Variants in BCKDHB observed in about 807,000 individuals in gnomAD.
BCKDHB encodes branched chain keto acid dehydrogenase E1 subunit beta.
Under a neutral mutation model 48.5 loss-of-function variants are expected in BCKDHB, and 41 were observed. The ratio of observed to expected loss-of-function variants is 0.85; its 90% confidence interval spans 0.66 to 1.10. BCKDHB has a LOEUF of 1.10. Among genes scored for constraint, BCKDHB ranks in the 50% least tolerant of loss-of-function variants. The probability of loss-of-function intolerance (pLI) is 0.00; values close to 1 mark genes in which losing one functional copy is unlikely to be tolerated. For synonymous variants in BCKDHB, 201 were observed against 174.8 expected, an observed-to-expected ratio of 1.15 and a Z score of -1.18; for missense variants, 496 against 494.2, an observed-to-expected ratio of 1.00 and a Z score of -0.03.
chr6:80,168,316 A>T (rs542721582), intron 4 of BCKDHB, among the ~76,000 whole-genome samples: 6 of 148,754 alleles, frequency 4.0e-5, no homozygotes, highest in African/African-American at 1.5e-4. Context: ...AGAAAGAGCG[A>T]GAGAGAGGGG....
At chr6:80,145,512 A>G (rs1314545575) in intron 3 of BCKDHB, among the ~76,000 whole-genome samples, 1 of 152,192 alleles carries the variant, frequency 6.6e-6, no homozygotes, top group Admixed American at 6.5e-5. Context: ...GTTTCCAACT[A>G]GAATGGTTCT....
At chr6:80,126,036 GA>G (rs1047109346) in intron 1 of BCKDHB, among the ~76,000 whole-genome samples, 1 of 152,092 alleles carries the variant, frequency 6.6e-6, no homozygotes, top group African/African-American at 2.4e-5. Flanking sequence ...CTAGCCTGAA[GA>G]AAAATAAATT....
the BCKDHB span, among the ~76,000 whole-genome samples, chr6:80,353,041 A>G: frequency 6.6e-6 from 1 of 152,200 alleles, no homozygotes; most frequent in Non-Finnish European, 1.5e-5. Context: ...GTGATTTCTC[A>G]TCATTCACTG....
chr6:80,242,559 A>G (rs1776433024), intron 8 of BCKDHB, among the ~76,000 whole-genome samples: 1 of 152,000 alleles, frequency 6.6e-6, no homozygotes, highest in African/African-American at 2.4e-5. Flanking sequence ...ACACATACAC[A>G]TACACATGTA....
At chr6:80,151,141 C>T (rs1403676108) in intron 3 of BCKDHB, among the ~76,000 whole-genome samples, 1 of 152,078 alleles carries the variant, frequency 6.6e-6, no homozygotes, top group East Asian at 1.9e-4. Context: ...GATTCACTAG[C>T]CTGATTAATG....
chr6:80,379,584 T>C, the BCKDHB span, among the ~76,000 whole-genome samples: 2 of 151,908 alleles, frequency 1.3e-5, no homozygotes, highest in African/African-American at 4.8e-5. Flanking sequence ...ATAGTACTGG[T>C]AGCCCAAGCC....
intron 9 of BCKDHB, among the ~76,000 whole-genome samples, chr6:80,298,706 C>T (rs1339791372): frequency 2.0e-5 from 3 of 152,080 alleles, no homozygotes; most frequent in East Asian, 1.9e-4. Context: ...AGATGGTCAC[C>T]CTAAGTAACA....
At position 80,278,923 on chromosome 6, in the gene BCKDHB, C is replaced by T. The variant is rs572731449; in HGVS notation, c.1038+5702C>T. On this transcript the variant is annotated intron_variant, in intron 9 of 9. Transcript: ENST00000320393. Reference sequence around the variant, plus strand: ...AAGGTTTGACCTGTTGAGCTTTAGACCCAAAATTCCAACATTATGCTTATT... The same window carrying T: ...AAGGTTTGACCTGTTGAGCTTTAGATCCAAAATTCCAACATTATGCTTATT... Among the ~76,000 whole-genome samples the T allele has an allele frequency of 4.0e-5, 6 of 151,870 alleles. No individual in the cohort carries two copies. The South Asian group carries it at 1.2e-3, about 32-fold the overall frequency.
At chr6:80,263,022 C>T (rs1463571446) in intron 8 of BCKDHB, among the ~76,000 whole-genome samples, 2 of 152,110 alleles carry the variant, frequency 1.3e-5, no homozygotes, top group Admixed American at 6.6e-5. Flanking sequence ...TTTCCCTGAA[C>T]AAAAGGATTT....
chr6:80,108,385 A>C (rs773868125), intron 1 of BCKDHB, among the ~76,000 whole-genome samples: 5 of 151,346 alleles, frequency 3.3e-5, no homozygotes, highest in Non-Finnish European at 5.9e-5. Context: ...AAAGCAAAGA[A>C]ATTTTGGTCT....
intron 6 of BCKDHB, among the ~76,000 whole-genome samples, chr6:80,191,369 A>G (rs780052848): frequency 2.0e-5 from 3 of 152,190 alleles, no homozygotes; most frequent in Non-Finnish European, 2.9e-5. Flanking sequence ...GGACACAGCT[A>G]GTGCTTGGTG....
intron 1 of BCKDHB, among the ~76,000 whole-genome samples, chr6:80,116,706 G>T (rs1188755195): frequency 6.6e-6 from 1 of 152,206 alleles, no homozygotes; most frequent in African/African-American, 2.4e-5. Context: ...AAAGTGTGCT[G>T]CTGTATTTTG....
At chr6:80,457,272 G>C in the BCKDHB span, among the ~76,000 whole-genome samples, 1 of 152,200 alleles carries the variant, frequency 6.6e-6, no homozygotes, top group Non-Finnish European at 1.5e-5. Context: ...AGCCACCTCT[G>C]CTGCCTTTCA....
chr6:80,424,411 T>A, the BCKDHB span, among the ~76,000 whole-genome samples: 2 of 152,324 alleles, frequency 1.3e-5, no homozygotes, highest in Admixed American at 6.5e-5. Flanking sequence ...CCCTAACCCA[T>A]TTCTCATTCT....
intron 9 of BCKDHB, among the ~76,000 whole-genome samples, chr6:80,278,462 A>G (rs1778056980): frequency 6.6e-6 from 1 of 152,250 alleles, no homozygotes; most frequent in South Asian, 2.1e-4. Context: ...AGTTAAATCC[A>G]TGTTATACTC....
the BCKDHB span, among the ~76,000 whole-genome samples, chr6:80,446,412 G>A: frequency 6.6e-6 from 1 of 152,188 alleles, no homozygotes; most frequent in Admixed American, 6.5e-5. Flanking sequence ...ATTTTACATG[G>A]TTTCACGTGT....
chr6:80,200,004 C>T (rs1329203123), intron 6 of BCKDHB, among the ~76,000 whole-genome samples: 4 of 124,738 alleles, frequency 3.2e-5, no homozygotes, highest in Non-Finnish European at 4.7e-5. Flanking sequence ...GCCTGGGAGG[C>T]AGAGGTTGCA....
In BCKDHB at chr6:80,185,946, G is replaced by C. The variant is rs146055438; in HGVS notation, c.742+14556G>C. 2.0e-5 allele frequency among the ~76,000 whole-genome samples: 3 copies of C among 152,172 alleles called. No homozygotes were observed. The East Asian group carries it at 5.8e-4, about 29-fold the overall frequency. On this transcript the variant is annotated intron_variant, in intron 6 of 9. Transcript: ENST00000320393. ...TTATGTGGACAGACTTAGAACCTCT[G>C]GTTAGTCAGGATGTTGTAGATGGTA...
At chr6:80,310,202 A>G (rs1229847718) in intron 9 of BCKDHB, among the ~76,000 whole-genome samples, 1 of 152,066 alleles carries the variant, frequency 6.6e-6, no homozygotes, top group Non-Finnish European at 1.5e-5. Context: ...CCATCACCCA[A>G]GTATTAAGCC....
Sources: gnomAD v4.1 joint callset for allele counts (sites outside exome capture counted in the v4.1 genomes callset) on GRCh38, gnomAD v4.1.1 for gene constraint, MANE v1.5 for transcripts, NCBI Gene and HGNC (gene_info 2026-07-23, HGNC 2026-07-21) for gene names.